GRID2: variants seen among roughly 807,000 people sequenced by gnomAD.
GRID2 encodes glutamate receptor ionotropic, delta-2.
GRID2 carries 33 observed loss-of-function variants against 114.8 expected under a neutral mutation model. The ratio of observed to expected loss-of-function variants is 0.29; its 90% CI spans 0.22 to 0.38. The LOEUF is 0.38. Ranked by LOEUF, GRID2 falls within the 10% of genes least tolerant of loss-of-function variation. The pLI, the probability that GRID2 is intolerant of heterozygous loss-of-function variation, is 1.00. For missense variants in GRID2, 1,184 were observed against 1,257.7 expected (o/e 0.94, Z 0.89); for synonymous variants, 505 against 449.9 (o/e 1.12, Z -1.55).
chr4:93,133,897 T>G (rs1271004063), intron 4 of GRID2, among the ~76,000 whole-genome samples: 1 of 152,158 alleles, frequency 6.6e-6, no homozygotes, highest in Non-Finnish European at 1.5e-5. Flanking sequence ...TTGTTCAAAG[T>G]AAAGGTTAAG....
At chr4:93,722,246 G>T (rs4235049) in intron 14 of GRID2, among the ~76,000 whole-genome samples, 86,582 of 151,800 alleles carry the variant, frequency 0.57, 25,327 homozygotes, top group East Asian at 0.73. Context: ...CTAAGTACTA[G>T]TTATTTATTT....
chr4:93,156,525 G>A (rs1359499228), intron 4 of GRID2, among the ~76,000 whole-genome samples: 6 of 151,708 alleles, frequency 4.0e-5, no homozygotes, highest in African/African-American at 1.4e-4. Context: ...TAGATGTAGT[G>A]TTGACAGATC....
At chr4:92,686,410 C>A (rs890282257) in intron 2 of GRID2, among the ~76,000 whole-genome samples, 4 of 152,004 alleles carry the variant, frequency 2.6e-5, no homozygotes, top group African/African-American at 7.2e-5. Flanking sequence ...GCTTAGTAGA[C>A]ATTTTTATAT....
intron 2 of GRID2, among the ~76,000 whole-genome samples, chr4:92,866,501 T>C (rs1391270294): frequency 1.1e-4 from 16 of 152,066 alleles, no homozygotes; most frequent in Non-Finnish European, 2.2e-4. Context: ...ATAAAGATAA[T>C]TTTAAGAACC....
At chr4:93,350,257 T>C (rs935741802) in intron 8 of GRID2, among the ~76,000 whole-genome samples, 4 of 152,118 alleles carry the variant, frequency 2.6e-5, no homozygotes, top group Non-Finnish European at 4.4e-5. Context: ...TCGTTAATCT[T>C]TCCCAACATG....
At chr4:93,808,911 C>G (rs937991553) in exon 2 of GRID2, 6 of 152,220 alleles carry the variant, frequency 3.9e-5, no homozygotes, top group African/African-American at 1.4e-4. Flanking sequence ...TACAAGCCTT[C>G]CCTGACTGCC....
intron 8 of GRID2, among the ~76,000 whole-genome samples, chr4:93,357,568 G>T (rs1331869363): frequency 6.6e-6 from 1 of 151,190 alleles, no homozygotes; most frequent in African/African-American, 2.4e-5. Flanking sequence ...TGGTTTCCAA[G>T]TTTATTTTAT....
chr4:92,998,225 T>A (rs1040453466), intron 2 of GRID2, among the ~76,000 whole-genome samples: 1 of 152,104 alleles, frequency 6.6e-6, no homozygotes, highest in Non-Finnish European at 1.5e-5. Flanking sequence ...ATACATTACA[T>A]TGAAATCATT....
At chr4:92,496,182 T>A (rs973948695) in intron 1 of GRID2, among the ~76,000 whole-genome samples, 5 of 151,890 alleles carry the variant, frequency 3.3e-5, no homozygotes, top group Admixed American at 1.3e-4. Context: ...TTATTTATTT[T>A]AAAAAACTGA....
At chr4:93,327,310 C>T (rs1383259030) in intron 8 of GRID2, among the ~76,000 whole-genome samples, 1 of 152,128 alleles carries the variant, frequency 6.6e-6, no homozygotes, top group Non-Finnish European at 1.5e-5. Flanking sequence ...ATAAATTTTA[C>T]TTTCTCCAAC....
At chr4:93,517,825 G>A (rs1729878790) in intron 13 of GRID2, among the ~76,000 whole-genome samples, 1 of 150,902 alleles carries the variant, frequency 6.6e-6, no homozygotes, top group African/African-American at 2.4e-5. Context: ...GACATCAGAG[G>A]TCTTTTAGGT....
chr4:92,990,198 C>CTG (rs3970985), intron 2 of GRID2, among the ~76,000 whole-genome samples: 24 of 124,800 alleles, frequency 1.9e-4, no homozygotes, highest in Non-Finnish European at 3.0e-4. Context: ...TTAACATTTT[C>CTG]TGTGTGTGTG....
chr4:93,769,131 G>A (rs1733913304), intron 14 of GRID2, 79 bp from the exon 15 acceptor site: 3 of 1,366,866 alleles, frequency 2.2e-6, no homozygotes, highest in Non-Finnish European at 3.1e-6. Flanking sequence ...CTACAGAGGT[G>A]GGATTATAAA....
At chr4:92,647,400 T>G (rs1052555087) in intron 2 of GRID2, among the ~76,000 whole-genome samples, 2 of 44,562 alleles carry the variant, frequency 4.5e-5, no homozygotes, top group Admixed American at 4.4e-4. Flanking sequence ...CAGTGTGAAG[T>G]TCAGTCTAAT....
chr4:92,584,483 T>C (rs747672094), intron 1 of GRID2, among the ~76,000 whole-genome samples: 1 of 151,956 alleles, frequency 6.6e-6, no homozygotes, highest in Non-Finnish European at 1.5e-5. Context: ...CTGTGACTAA[T>C]AAACTCCCCA....
intron 4 of GRID2, among the ~76,000 whole-genome samples, chr4:93,177,567 A>G (rs968346743): frequency 3.9e-5 from 6 of 152,322 alleles, no homozygotes; most frequent in African/African-American, 1.4e-4. Flanking sequence ...AATTTTTCAC[A>G]ATACTTCAGA....
Position 93,575,227 on chromosome 4 carries a change from C to G in GRID2, c.2194-51042C>G, listed in dbSNP as rs544165067. Among the ~76,000 whole-genome samples, 3 of 152,230 alleles carry G rather than the reference C, an allele frequency of 2.0e-5. No individual in the cohort carries two copies. The East Asian group carries it at 5.8e-4, about 29-fold the overall frequency. On this transcript the variant is annotated intron_variant, in intron 13 of 15. Coordinates refer to ENST00000282020, the MANE Select transcript of GRID2 (RefSeq NM_001510.4). ...GGAGGTGTAGTTCATTTGGGGCCAC[C>G]AATGTAACAGTCTACACACAAATGT...
chr4:93,616,846 T>A (rs2149676092), intron 13 of GRID2, among the ~76,000 whole-genome samples: 1 of 151,428 alleles, frequency 6.6e-6, no homozygotes, highest in African/African-American at 2.4e-5. Flanking sequence ...ATACAAAAAA[T>A]TAGCCAGGCG....
In GRID2 at chr4:93,675,920, G is replaced by A. The variant is rs537083050; in HGVS notation, c.2360+49485G>A. Among the ~76,000 whole-genome samples, 37 of 152,270 alleles carry A rather than the reference G, an allele frequency of 2.4e-4. No individual in the cohort carries two copies. In the South Asian group the frequency reaches 3.7e-3, roughly 15 times the overall value. On this transcript the variant is annotated intron_variant, in intron 14 of 15. Transcript: ENST00000282020. ...AGCAGAGGTTGGAAACAATTTTCAC[G>A]CGTCACTGAAAGATAGCTTCCTTCA... is the stretch of plus-strand genomic sequence containing the variant.
Sources: gnomAD v4.1 joint callset for allele counts (sites outside exome capture counted in the v4.1 genomes callset) on GRCh38, gnomAD v4.1.1 for gene constraint, MANE v1.5 for transcripts, NCBI Gene and HGNC (gene_info 2026-07-23, HGNC 2026-07-21) for gene names.